CDYL: variants seen among roughly 807,000 people sequenced by gnomAD.
CDYL encodes chromodomain Y like.
CDYL carries 8 observed loss-of-function variants against 47.3 expected under a neutral mutation model. That is an observed-to-expected ratio of 0.17 (90% CI 0.10 to 0.31). The LOEUF (loss-of-function observed/expected upper bound fraction) is 0.31. Among genes scored for constraint, CDYL ranks in the 10% least tolerant of loss-of-function variants. The pLI is 1.00. For synonymous variants in CDYL, 266 were observed against 265.0 expected, an observed-to-expected ratio of 1.00 and a Z score of -0.04; for missense variants, 471 against 701.4, an observed-to-expected ratio of 0.67 and a Z score of 3.71.
At position 4,937,627 on chromosome 6, in the gene CDYL, G is replaced by C. The variant is rs779127020; in HGVS notation, c.1011G>C (p.Leu337=). 1.9e-6 allele frequency: 3 copies of C among 1,613,332 alleles called. No individual in the cohort carries two copies. The highest frequency in any genetic ancestry group is 2.5e-6 in the Non-Finnish European group (3 of 1,179,676). ...CTGCCGATGACAGCAAGCTGGTACT[G>C]CTCAGCGCCGTTGGCAGCGTCTTCT... ...TAAADDSKLV[L]LSAVGSVFCC... is the part of the protein sequence containing the mutation. The change falls in exon 4 of 7, where the codon CTG becomes CTC. Residue 337 remains leucine, a synonymous_variant. Transcript: ENST00000397588.
At chr6:4,908,709 A>G (rs1334572957) in intron 2 of CDYL, among the ~76,000 whole-genome samples, 1 of 152,118 alleles carries the variant, frequency 6.6e-6, no homozygotes, top group African/African-American at 2.4e-5. Context: ...GCAGAAATGG[A>G]ACTTTAAATT....
chr6:4,733,793 T>A (rs1412394276), intron 2 of CDYL, among the ~76,000 whole-genome samples: 1 of 151,898 alleles, frequency 6.6e-6, no homozygotes, highest in Non-Finnish European at 1.5e-5. Flanking sequence ...TTCTGCATTT[T>A]ACTCCTCTTC....
intron 1 of CDYL, among the ~76,000 whole-genome samples, chr6:4,881,852 A>G (rs1193445022): frequency 6.6e-6 from 1 of 152,206 alleles, no homozygotes; most frequent in African/African-American, 2.4e-5. Flanking sequence ...TTGGGAGACA[A>G]TTCTCCATAG....
rs11320865 is a variant in CDYL, at chr6:4,938,233, GTT to G, written c.1121+507_1121+508del. On this transcript the variant is annotated intron_variant, in intron 4 of 6. Transcript: ENST00000397588. Reference sequence around the variant, plus strand: ...GTTTTGTTTTTTGGTTTTTTTTGTTGTTTTTTTTTTTTGTTTCTTTAAATACA... The same window carrying G: ...GTTTTGTTTTTTGGTTTTTTTTGTTGTTTTTTTTTTGTTTCTTTAAATACA... Among the ~76,000 whole-genome samples, 418 of 144,916 alleles carry G rather than the reference GTT, an allele frequency of 2.9e-3. 2 individuals carry two copies. Among genetic ancestry groups the G allele is most frequent in the African/African-American group, 7.8e-3 (307 of 39,518 alleles).
At position 4,891,947 on chromosome 6, in the gene CDYL, A is replaced by G; in HGVS notation, c.259A>G (p.Thr87Ala). Reference protein sequence around the residue: ...NNARKQISRSTNSNFSKTSPK... With the variant: ...NNARKQISRSANSNFSKTSPK... Reference sequence around the variant, plus strand: ...TGCTAGGAAACAAATCTCCAGATCCACCAACAGCAACTTTTCTAAGACCTC... The same window carrying G: ...TGCTAGGAAACAAATCTCCAGATCCGCCAACAGCAACTTTTCTAAGACCTC... The change falls in exon 2 of 7, where the codon ACC (threonine) becomes GCC (alanine). Residue 87 changes from threonine (T) to alanine (A), a missense_variant. This residue lies in a region of CDYL where 311 missense variants were observed against 350.0 expected (regional missense o/e 0.89). Transcript: ENST00000397588. 1.2e-6 allele frequency: 2 copies of G among 1,614,188 alleles called. No individual in the cohort carries two copies. Among genetic ancestry groups the G allele is most frequent in the Middle Eastern group, 3.3e-4 (2 of 6,062 alleles).
At chr6:4,727,457 A>C (rs1449071177) in intron 2 of CDYL, among the ~76,000 whole-genome samples, 1 of 152,140 alleles carries the variant, frequency 6.6e-6, no homozygotes, top group Non-Finnish European at 1.5e-5. Context: ...AAGGAGCATG[A>C]GTTAGGACAG....
chr6:4,860,618 G>A (rs1761140384), intron 1 of CDYL, among the ~76,000 whole-genome samples: 1 of 145,530 alleles, frequency 6.9e-6, no homozygotes, highest in Admixed American at 6.9e-5. Flanking sequence ...ATTATATTTT[G>A]TATCATATTA....
At chr6:4,909,485 A>G (rs530550063) in intron 2 of CDYL, among the ~76,000 whole-genome samples, 2 of 152,172 alleles carry the variant, frequency 1.3e-5, no homozygotes, top group South Asian at 4.1e-4. Context: ...CACCAGGAGG[A>G]TTTTTTATAG....
intron 1 of CDYL, among the ~76,000 whole-genome samples, chr6:4,887,656 T>C (rs561801341): frequency 2.6e-4 from 39 of 152,284 alleles, no homozygotes; most frequent in African/African-American, 9.4e-4. Flanking sequence ...TACTTCTTCC[T>C]TTCCAATTCA....
chr6:4,900,783 A>ATATGTATGTATG (rs1561697435), intron 2 of CDYL, among the ~76,000 whole-genome samples: 3 of 30,692 alleles, frequency 9.8e-5, no homozygotes, highest in East Asian at 3.9e-3. Context: ...ACGTGTGTAT[A>ATATGTATGTATG]TATATATATA....
At chr6:4,949,705 C>T (rs1013955058) in intron 5 of CDYL, among the ~76,000 whole-genome samples, 4 of 152,212 alleles carry the variant, frequency 2.6e-5, no homozygotes, top group African/African-American at 9.6e-5. Flanking sequence ...TTTGAAACCT[C>T]TCATTTTGAA....
intron 1 of CDYL, among the ~76,000 whole-genome samples, chr6:4,845,813 A>T (rs987278544): frequency 6.6e-6 from 1 of 152,212 alleles, no homozygotes; most frequent in Non-Finnish European, 1.5e-5. Flanking sequence ...AACCATTCTT[A>T]CTTTGCAGGC....
At chr6:4,810,558 A>G (rs1759498729) in intron 1 of CDYL, among the ~76,000 whole-genome samples, 1 of 152,176 alleles carries the variant, frequency 6.6e-6, no homozygotes, top group African/African-American at 2.4e-5. Flanking sequence ...TTTAGTATAT[A>G]ATAAAATCTA....
intron 2 of CDYL, among the ~76,000 whole-genome samples, chr6:4,916,540 T>C (rs1453840009): frequency 6.6e-6 from 1 of 152,156 alleles, no homozygotes; most frequent in East Asian, 1.9e-4. Flanking sequence ...GAAGACCCTG[T>C]TCTCATGGTC....
intron 2 of CDYL, among the ~76,000 whole-genome samples, chr6:4,925,658 C>T (rs555634378): frequency 7.9e-5 from 12 of 152,132 alleles, no homozygotes; most frequent in South Asian, 2.1e-4. Context: ...CCTCGTGATC[C>T]GCCCACCTCG....
intron 4 of CDYL, among the ~76,000 whole-genome samples, chr6:4,942,218 A>T (rs1381589695): frequency 6.6e-6 from 1 of 152,208 alleles, no homozygotes; most frequent in Non-Finnish European, 1.5e-5. Context: ...CAAAGATCCC[A>T]CAAACCTTGG....
At chr6:4,900,819 A>ATCTATATC (rs1757022907) in intron 2 of CDYL, among the ~76,000 whole-genome samples, 1 of 85,134 alleles carries the variant, frequency 1.2e-5, no homozygotes, top group African/African-American at 4.1e-5. Flanking sequence ...ATATATATAT[A>ATCTATATC]TATATATATA....
chr6:4,758,375 T>TATATATATATATATATATATA (rs1758111843), intron 3 of CDYL, among the ~76,000 whole-genome samples: 2 of 148,116 alleles, frequency 1.4e-5, no homozygotes, highest in African/African-American at 5.0e-5. Context: ...TATATATCTC[T>TATATATATATATATATATATA]TTGTGGCCAG....
At chr6:4,837,369 T>A (rs1018885051) in intron 1 of CDYL, among the ~76,000 whole-genome samples, 2 of 152,058 alleles carry the variant, frequency 1.3e-5, no homozygotes, top group African/African-American at 2.4e-5. Flanking sequence ...ATTAAAAAAA[T>A]TTTCAAAAAA....
Sources: allele counts gnomAD v4.1 joint callset (sites outside exome capture counted in the v4.1 genomes callset), GRCh38; gene constraint gnomAD v4.1.1; regional missense constraint gnomAD v4.1.1; transcripts MANE v1.5; gene names NCBI Gene and HGNC (gene_info 2026-07-23, HGNC 2026-07-21).